Variants in DNAH2 observed in about 807,000 individuals in gnomAD.
DNAH2 encodes dynein axonemal heavy chain 2.
Under a neutral mutation model 523.5 loss-of-function variants are expected in DNAH2, and 323 were observed. The ratio of observed to expected loss-of-function variants is 0.62; its 90% CI spans 0.56 to 0.68. DNAH2 has a LOEUF of 0.68. DNAH2 is among the 30% of genes least tolerant of loss of function. DNAH2 has a pLI of 0.00. For synonymous variants in DNAH2, 2,093 were observed against 2,177.4 expected, an observed-to-expected ratio of 0.96 and a Z score of 1.08; for missense variants, 4,907 against 5,701.5, an observed-to-expected ratio of 0.86 and a Z score of 4.49.
Position 7,832,490 on chromosome 17 carries a change from C to A in DNAH2, c.12727-89C>A, listed in dbSNP as rs2078208616. The A allele has an allele frequency of 6.7e-7, 1 of 1,495,838 alleles. No homozygotes were observed. Among genetic ancestry groups the A allele is most frequent in the South Asian group, 1.3e-5 (1 of 79,298 alleles). 92.7% of individuals were successfully genotyped at this position (1,495,838 alleles called of 1,614,324 possible). On this transcript the variant is annotated intron_variant, in intron 82 of 85. Transcript: ENST00000572933. The surrounding 1 kb of genome is among the most constrained non-coding windows in gnomAD (Gnocchi z 4.3). Reference sequence around the variant, plus strand: ...TACCACTGCACTCCAGCCTGGGGGACAAGAGCAAAACTCTGTCTCTAAATA... The same window carrying A: ...TACCACTGCACTCCAGCCTGGGGGAAAAGAGCAAAACTCTGTCTCTAAATA...
At chr17:7,738,071 T>A in intron 8 of DNAH2, 1 of 703,616 alleles carries the variant, frequency 1.4e-6, no homozygotes, top group Non-Finnish European at 2.6e-6. Context: ...CATTCTCTGT[T>A]GTCACGCTTG....
Position 7,768,075 on chromosome 17 carries a change from G to T in DNAH2, c.3837+14G>T. ...AAAGAGTATAAGGTGGGGAGAAACG[G>T]CGGGGAGGCGGAAGAGAAGCTGGTG... is the stretch of plus-strand genomic sequence containing the variant. On this transcript the variant is annotated intron_variant, in intron 23 of 85. Transcript: ENST00000572933. 1.2e-6 allele frequency: 2 copies of T among 1,614,146 alleles called. No homozygotes were observed. Among genetic ancestry groups the T allele is most frequent in the East Asian group, 4.5e-5 (2 of 44,884 alleles).
At chr17:7,768,350 G>A (rs571057955) in intron 24 of DNAH2, 83 bp downstream of exon 24, 29 of 1,381,800 alleles carry the variant, frequency 2.1e-5, no homozygotes, top group South Asian at 1.5e-4. Flanking sequence ...TCTCCTCTCC[G>A]CAGTGTTCAC....
intron 3 of DNAH2, 22 bp downstream of exon 3, chr17:7,723,711 G>C: frequency 1.2e-6 from 2 of 1,610,390 alleles, no homozygotes; most frequent in Non-Finnish European, 1.7e-6. Context: ...TCTTCCCTGT[G>C]GCAGATATTC....
chr17:7,786,357 C>T lies in DNAH2; in HGVS notation c.6348+15C>T. The T allele has an allele frequency of 1.2e-6, 2 of 1,605,836 alleles. No homozygotes were observed. Among genetic ancestry groups the T allele is most frequent in the Non-Finnish European group, 1.7e-6 (2 of 1,178,126 alleles). ...ACATTGTTAGAGTACGGGGCTGGGA[C>T]AGTGGAGTCAGTGGGCAGAGACTTG... On this transcript the variant is annotated intron_variant, in intron 40 of 85. Coordinates refer to ENST00000572933, the MANE Select transcript of DNAH2 (RefSeq NM_020877.5). This position sits in a 1 kb window ranked among gnomAD's most constrained non-coding sequence, Gnocchi z 7.5.
At chr17:7,743,692 A>G in intron 12 of DNAH2, 1 of 272,926 alleles carries the variant, frequency 3.7e-6, no homozygotes, top group Non-Finnish European at 6.9e-6. Flanking sequence ...CCACTCCACT[A>G]TCTGACTAAA....
intron 12 of DNAH2, among the ~76,000 whole-genome samples, chr17:7,747,832 G>A (rs951181063): frequency 6.6e-6 from 1 of 152,182 alleles, no homozygotes; most frequent in Non-Finnish European, 1.5e-5. Context: ...AATAATGGAA[G>A]GGAAAGAACA....
At position 7,780,782 on chromosome 17, in the gene DNAH2, G is replaced by C. The variant is rs1052416787; in HGVS notation, c.6003G>C (p.Glu2001Asp). The change falls in exon 38 of 86, where the codon GAG (glutamate) becomes GAC (aspartate). Residue 2001 changes from glutamate to aspartate, a missense_variant and splice_region_variant. Around this residue, in one of 3 missense-constraint regions of DNAH2, gnomAD observed 2,806 missense variants for 3,190.8 expected, o/e 0.88. Coordinates refer to ENST00000572933, the MANE Select transcript of DNAH2 (RefSeq NM_020877.5). This position sits in a 1 kb window ranked among gnomAD's most constrained non-coding sequence, Gnocchi z 4.4. ...TACAGCCGGATCTGACTGATGAAGAGGTAGAGCAAGGACACAGCCTTTGGA... is the reference window on the plus strand; with the variant it reads ...TACAGCCGGATCTGACTGATGAAGACGTAGAGCAAGGACACAGCCTTTGGA... ...RRLQPDLTDEEVLLLSMRDMN... is the reference protein window; with the variant it reads ...RRLQPDLTDEDVLLLSMRDMN... 15 of 1,614,060 alleles carry C rather than the reference G, an allele frequency of 9.3e-6. No individual in the cohort carries two copies. Among genetic ancestry groups the C allele is most frequent in the Non-Finnish European group, 1.3e-5 (15 of 1,180,060 alleles).
chr17:7,789,235 C>T (rs901025923), intron 44 of DNAH2, among the ~76,000 whole-genome samples: 2 of 152,200 alleles, frequency 1.3e-5, no homozygotes, highest in Non-Finnish European at 2.9e-5. Context: ...AGGGCAGTTA[C>T]GAGTTATCAA....
chr17:7,785,980 T>A, intron 39 of DNAH2, 144 bp from the exon 40 acceptor site: 1 of 783,198 alleles, frequency 1.3e-6, no homozygotes, highest in Non-Finnish European at 2.0e-6. Flanking sequence ...AGCTTCCCAA[T>A]GAGTGAACAG....
chr17:7,739,630 T>A, intron 8 of DNAH2, 103 bp from the exon 9 acceptor site: 43 of 926,404 alleles, frequency 4.6e-5, no homozygotes, highest in Non-Finnish European at 6.8e-5. Flanking sequence ...TCACTTGCCA[T>A]CACTCACAGT....
chr17:7,718,870 A>AT, intron 1 of DNAH2, 71 bp downstream of exon 1: 2 of 152,736 alleles, frequency 1.3e-5, no homozygotes, highest in East Asian at 3.9e-4. Flanking sequence ...GCATATTTCC[A>AT]TTTAACTTGG....
chr17:7,743,617 G>T, intron 12 of DNAH2: 2 of 476,864 alleles, frequency 4.2e-6, no homozygotes, highest in Non-Finnish European at 3.8e-6. Flanking sequence ...AGTGAGCTGA[G>T]ATCACACCAC....
In DNAH2 at chr17:7,831,553, G is replaced by A; in HGVS notation, c.12611+12G>A. ...ATGCAGACCATCCTGTAAGACAGAG[G>A]GGGACTCTGCGGAACAGGGGAGGGT... On this transcript the variant is annotated intron_variant, in intron 81 of 85. Transcript: ENST00000572933. The surrounding 1 kb of genome is among the most constrained non-coding windows in gnomAD (Gnocchi z 4.2). The A allele has an allele frequency of 1.2e-6, 2 of 1,614,118 alleles. No individual in the cohort carries two copies. Among genetic ancestry groups the A allele is most frequent in the Non-Finnish European group, 1.7e-6 (2 of 1,179,986 alleles).
intron 7 of DNAH2, among the ~76,000 whole-genome samples, chr17:7,735,512 C>G (rs1172705486): frequency 6.6e-6 from 1 of 152,138 alleles, no homozygotes; most frequent in Non-Finnish European, 1.5e-5. Context: ...GATCTCGGCT[C>G]ACTGCAACCT....
At chr17:7,777,962 C>A (rs2151239292) in intron 33 of DNAH2, 115 bp from the exon 34 acceptor site, 1 of 990,914 alleles carries the variant, frequency 1.0e-6, no homozygotes, top group Non-Finnish European at 1.5e-6. Context: ...AAGGGAACCC[C>A]TGATCCCTTC....
In DNAH2 at chr17:7,801,453, G is replaced by A. The variant is rs540706989; in HGVS notation, c.8700-125G>A. On this transcript the variant is annotated intron_variant, in intron 56 of 85. Coordinates refer to ENST00000572933, the MANE Select transcript of DNAH2 (RefSeq NM_020877.5). ...TGCAGGAACAGAATTTGGACAAGGA[G>A]ATACAGGAGCAAGGGGATGGGGCAT... The A allele has an allele frequency of 8.3e-5, 111 of 1,343,404 alleles. 1 individual carries two copies. In the South Asian group the frequency reaches 1.3e-3, roughly 15 times the overall value. 83.2% of individuals were successfully genotyped at this position (1,343,404 alleles called of 1,614,324 possible). A position where few individuals can be genotyped will look rare whatever the true frequency, so the allele number is the denominator to read the frequency against.
In DNAH2 at chr17:7,818,903, C is replaced by T; in HGVS notation, c.10671-16C>T. 1.2e-6 allele frequency: 2 copies of T among 1,609,922 alleles called. No homozygotes were observed. The highest frequency in any genetic ancestry group is 1.7e-6 in the Non-Finnish European group (2 of 1,177,586). The stretch of plus-strand genomic sequence containing the variant: ...CGCTAACCCCTTGCTCCATGTGCCT[C>T]TGGGCCTCCCCCTAGGCTGCTGAAT... On this transcript the variant is annotated splice_polypyrimidine_tract_variant and intron_variant, in intron 70 of 85. Coordinates refer to ENST00000572933, the MANE Select transcript of DNAH2 (RefSeq NM_020877.5).
Position 7,766,434 on chromosome 17 carries a change from T to C in DNAH2, c.3628T>C (p.Phe1210Leu). 1 of 1,613,916 alleles carries C rather than the reference T, an allele frequency of 6.2e-7. No individual in the cohort carries two copies. The highest frequency in any genetic ancestry group is 8.5e-7 in the Non-Finnish European group (1 of 1,179,918). ...ENSLRANLGI[F>L]KIEQPPSKDL... is the part of the protein sequence containing the mutation. ...TAGTCTCCGAGCCAACCTGGGCATC[T>C]TCAAGATCGAGCAGCCACCCTCCAA... is the stretch of plus-strand genomic sequence containing the variant. The change falls in exon 22 of 86, where the codon TTC becomes CTC. Residue 1210 changes from phenylalanine to leucine, a missense_variant. By Grantham distance (22) the Phe-to-Leu change is conservative. Around this residue, in one of 3 missense-constraint regions of DNAH2, gnomAD observed 2,806 missense variants for 3,190.8 expected, o/e 0.88. Transcript: ENST00000572933.
Sources: gnomAD v4.1 joint callset for allele counts (sites outside exome capture counted in the v4.1 genomes callset) on GRCh38, gnomAD v4.1.1 for gene constraint, gnomAD v4.1.1 regional missense constraint, Gnocchi (gnomAD v3.1) non-coding constraint, MANE v1.5 for transcripts, NCBI Gene and HGNC (gene_info 2026-07-23, HGNC 2026-07-21) for gene names.